The following HYAL4 variants were observed in gnomAD, a reference collection of about 807,000 sequenced individuals.
HYAL4 encodes the protein hyaluronidase-4.
In HYAL4, 37 loss-of-function variants were observed where a neutral mutation model predicts 35.2. That is an observed-to-expected ratio of 1.05 (90% CI 0.81 to 1.38). The LOEUF is 1.38. HYAL4 is among the 40% of genes most tolerant of loss of function. HYAL4 has a pLI of 0.00. For synonymous variants in HYAL4, 198 were observed against 203.2 expected (o/e 0.97, Z 0.22); for missense variants, 572 against 572.4 (o/e 1.00, Z 0.01).
chr7:123,873,433 A>G (rs776928678), intron 3 of HYAL4, among the ~76,000 whole-genome samples: 23 of 151,914 alleles, frequency 1.5e-4, no homozygotes, highest in Non-Finnish European at 2.2e-4. Context: ...AAAAACTGAT[A>G]TTGTAAAACC....
the HYAL4 span, among the ~76,000 whole-genome samples, chr7:123,782,371 G>A: frequency 6.6e-6 from 1 of 152,048 alleles, no homozygotes; most frequent in African/African-American, 2.4e-5. Flanking sequence ...GAATCCTTGA[G>A]CTAGAAAAAT....
intron 3 of HYAL4, among the ~76,000 whole-genome samples, chr7:123,872,428 G>A (rs1429575546): frequency 6.6e-6 from 1 of 152,164 alleles, no homozygotes; most frequent in African/African-American, 2.4e-5. Flanking sequence ...CAGCTCATTA[G>A]TAATGCTCCA....
chr7:123,836,834 G>C (rs1805972015), intron 1 of HYAL4, among the ~76,000 whole-genome samples: 1 of 152,044 alleles, frequency 6.6e-6, no homozygotes, highest in African/African-American at 2.4e-5. Context: ...TCTGAAACCA[G>C]CCTGGCTGAC....
chr7:123,872,497 C>T (rs766889830), intron 3 of HYAL4, among the ~76,000 whole-genome samples: 1 of 152,282 alleles, frequency 6.6e-6, no homozygotes, highest in African/African-American at 2.4e-5. Context: ...GGACTGACAC[C>T]GAAGTGTTGA....
At chr7:123,811,853 G>A in the HYAL4 span, among the ~76,000 whole-genome samples, 1 of 151,790 alleles carries the variant, frequency 6.6e-6, no homozygotes, top group African/African-American at 2.4e-5. Context: ...TGTTGTTGTT[G>A]TTGTCGGAGA....
At chr7:123,802,470 AT>A in the HYAL4 span, among the ~76,000 whole-genome samples, 280 of 152,324 alleles carry the variant, frequency 1.8e-3, 1 homozygote, top group Non-Finnish European at 1.8e-3. Flanking sequence ...TTTGGCACAC[AT>A]CAACAGTGCT....
the HYAL4 span, among the ~76,000 whole-genome samples, chr7:123,780,891 C>G: frequency 1.7e-5 from 2 of 117,088 alleles, no homozygotes; most frequent in Non-Finnish European, 3.5e-5. Flanking sequence ...AGAGTCATCA[C>G]CACTCCCTAA....
the HYAL4 span, among the ~76,000 whole-genome samples, chr7:123,793,609 C>T: frequency 6.6e-6 from 1 of 152,142 alleles, no homozygotes; most frequent in Non-Finnish European, 1.5e-5. Flanking sequence ...AGCGACTTTC[C>T]CACTTTTGCT....
At chr7:123,816,340 G>A in the HYAL4 span, among the ~76,000 whole-genome samples, 1 of 152,068 alleles carries the variant, frequency 6.6e-6, no homozygotes, top group Non-Finnish European at 1.5e-5. Flanking sequence ...TTCTTGCTAA[G>A]GTATTCCTCA....
the HYAL4 span, among the ~76,000 whole-genome samples, chr7:123,766,857 G>T: frequency 6.6e-6 from 1 of 152,098 alleles, no homozygotes; most frequent in South Asian, 2.1e-4. Context: ...AAAGCAAAAC[G>T]TGATATACAA....
chr7:123,876,670 C>G (rs1202295152), intron 4 of HYAL4, 84 bp from the exon 5 acceptor site: 7 of 1,359,820 alleles, frequency 5.1e-6, no homozygotes, highest in Non-Finnish European at 7.1e-6. Flanking sequence ...TCTATCAGTA[C>G]CAGCGAGAAA....
the HYAL4 span, among the ~76,000 whole-genome samples, chr7:123,769,620 A>G: frequency 2.0e-5 from 3 of 152,128 alleles, no homozygotes; most frequent in African/African-American, 7.2e-5. Flanking sequence ...GCTTCTGCCA[A>G]CAGCCCTTCC....
chr7:123,829,438 G>T (rs560182041), intron 1 of HYAL4, among the ~76,000 whole-genome samples: 2 of 151,972 alleles, frequency 1.3e-5, no homozygotes, highest in East Asian at 3.9e-4. Flanking sequence ...TCAACCTCAA[G>T]CCTCTCCCAA....
chr7:123,816,641 T>C, the HYAL4 span, among the ~76,000 whole-genome samples: 1 of 152,290 alleles, frequency 6.6e-6, no homozygotes, highest in East Asian at 1.9e-4. Context: ...TTTTTGTGGG[T>C]ACATTAGACT....
At chr7:123,785,027 G>A in the HYAL4 span, among the ~76,000 whole-genome samples, 1 of 152,082 alleles carries the variant, frequency 6.6e-6, no homozygotes, top group East Asian at 1.9e-4. The surrounding 1 kb of genome is among the most constrained non-coding windows in gnomAD (Gnocchi z 4.5). Context: ...TCTTCCATTT[G>A]CCTTGACACT....
At position 123,877,198 on chromosome 7, in the gene HYAL4, C is replaced by A. The variant is rs776246625; in HGVS notation, c.*43C>A. The A allele has an allele frequency of 2.6e-6, 4 of 1,539,644 alleles. No homozygotes were observed. The highest frequency in any genetic ancestry group is 1.2e-5 in the South Asian group (1 of 80,798). ...GGAATTGTGTGGCCTCTAGCCTAGTCATTTAAAGAAGGATGTAACTTATAA... is the reference window on the plus strand; with the variant it reads ...GGAATTGTGTGGCCTCTAGCCTAGTAATTTAAAGAAGGATGTAACTTATAA... On this transcript the variant is annotated 3_prime_UTR_variant, in exon 5 of 5. Transcript: ENST00000223026.
the HYAL4 span, among the ~76,000 whole-genome samples, chr7:123,773,027 C>A: frequency 1.1e-4 from 16 of 152,178 alleles, no homozygotes; most frequent in Non-Finnish European, 2.1e-4. Flanking sequence ...TTTTCTTTTT[C>A]TTTTTTTCTT....
At chr7:123,866,408 A>C (rs1420737780) in intron 2 of HYAL4, among the ~76,000 whole-genome samples, 1 of 152,216 alleles carries the variant, frequency 6.6e-6, no homozygotes, top group South Asian at 2.1e-4. Context: ...GACGACAGTC[A>C]TAGACCAATA....
chr7:123,843,717 C>A (rs780902627), upstream of HYAL4, among the ~76,000 whole-genome samples: 17 of 151,812 alleles, frequency 1.1e-4, no homozygotes, highest in African/African-American at 1.4e-4. Context: ...TTTCTGTAAC[C>A]TTGTCTCCTT....
Sources: gnomAD v4.1 joint callset for allele counts (sites outside exome capture counted in the v4.1 genomes callset) on GRCh38, gnomAD v4.1.1 for gene constraint, Gnocchi (gnomAD v3.1) non-coding constraint, MANE v1.5 for transcripts, NCBI Gene and HGNC (gene_info 2026-07-23, HGNC 2026-07-21) for gene names.